Variants in ELMO1 observed in about 807,000 individuals in gnomAD.
The protein encoded by ELMO1 is engulfment and cell motility 1.
ELMO1 carries 26 observed loss-of-function variants against 98.9 expected under a neutral mutation model. The observed-to-expected ratio is 0.26, with a 90% CI of 0.19 to 0.36. The LOEUF is 0.36. Ranked by LOEUF, ELMO1 falls within the 10% of genes least tolerant of loss-of-function variation. ELMO1 has a pLI of 1.00. For synonymous variants in ELMO1, 346 were observed against 346.0 expected, an observed-to-expected ratio of 1.00 and a Z score of 0.00; for missense variants, 627 against 935.2, an observed-to-expected ratio of 0.67 and a Z score of 4.30.
At chr7:37,094,468 A>G (rs1784273252) in intron 15 of ELMO1, among the ~76,000 whole-genome samples, 1 of 152,150 alleles carries the variant, frequency 6.6e-6, no homozygotes, top group African/African-American at 2.4e-5. Flanking sequence ...GTCAAGCTCT[A>G]TCCCCTATTC....
chr7:37,293,759 C>CT (rs1797884359), intron 4 of ELMO1, among the ~76,000 whole-genome samples: 2 of 84,608 alleles, frequency 2.4e-5, no homozygotes, highest in African/African-American at 9.7e-5. Flanking sequence ...GAGTGAAACT[C>CT]TATATCCAAA....
Position 36,863,129 on chromosome 7 carries a change from G to A in ELMO1, c.1906-1393C>T, listed in dbSNP as rs138917246. Among the ~76,000 whole-genome samples the A allele has an allele frequency of 3.3e-5, 5 of 152,222 alleles. No individual in the cohort carries two copies. In the East Asian group the frequency reaches 5.8e-4, roughly 18 times the overall value. Reference sequence around the variant, plus strand: ...TTGTTCTGAGGATAGATCTACCAGCGTCTCACACTCAAAAGGTCTCCTCAC... The same window carrying A: ...TTGTTCTGAGGATAGATCTACCAGCATCTCACACTCAAAAGGTCTCCTCAC... On this transcript the variant is annotated intron_variant, in intron 20 of 21. Transcript: ENST00000310758.
At chr7:36,926,470 C>G (rs571421511) in intron 16 of ELMO1, among the ~76,000 whole-genome samples, 2 of 152,002 alleles carry the variant, frequency 1.3e-5, no homozygotes, top group South Asian at 4.2e-4. Context: ...TTTGTGCGAC[C>G]CCCCTAGAGT....
intron 1 of ELMO1, among the ~76,000 whole-genome samples, chr7:37,410,093 T>A (rs892865272): frequency 6.6e-6 from 1 of 152,256 alleles, no homozygotes; most frequent in African/African-American, 2.4e-5. Flanking sequence ...TTAACTACTA[T>A]GACTATTTTG....
At chr7:37,253,960 T>A (rs1162930634) in intron 6 of ELMO1, among the ~76,000 whole-genome samples, 1 of 152,206 alleles carries the variant, frequency 6.6e-6, no homozygotes, top group African/African-American at 2.4e-5. Context: ...GTGGTTTCTA[T>A]CCCAAAGGTT....
chr7:37,005,792 T>A (rs970990494), intron 16 of ELMO1, among the ~76,000 whole-genome samples: 4 of 151,796 alleles, frequency 2.6e-5, no homozygotes, highest in African/African-American at 9.7e-5. Flanking sequence ...TTGCTCTCAG[T>A]GTTGCCATGA....
chr7:37,192,990 T>G (rs866961847), intron 13 of ELMO1, among the ~76,000 whole-genome samples: 1,131 of 68,606 alleles, frequency 0.016, 15 homozygotes, highest in South Asian at 0.028. Flanking sequence ...TATATATATA[T>G]ATATATATAT....
At chr7:37,404,087 A>G (rs1307561869) in intron 1 of ELMO1, among the ~76,000 whole-genome samples, 6 of 152,206 alleles carry the variant, frequency 3.9e-5, no homozygotes, top group Admixed American at 2.0e-4. Context: ...ATTAATGGGG[A>G]AAAAAAGCAA....
chr7:37,318,341 C>T (rs990618824), intron 2 of ELMO1, among the ~76,000 whole-genome samples: 7 of 152,108 alleles, frequency 4.6e-5, no homozygotes, highest in African/African-American at 1.4e-4. Flanking sequence ...TTCATGCACC[C>T]TCAAAAATGA....
intron 4 of ELMO1, among the ~76,000 whole-genome samples, chr7:37,295,337 A>T (rs1436698275): frequency 6.6e-6 from 1 of 152,230 alleles, no homozygotes; most frequent in Non-Finnish European, 1.5e-5. Flanking sequence ...AGTGGGCTGT[A>T]CAAGTGTCAG....
intron 20 of ELMO1, among the ~76,000 whole-genome samples, chr7:36,864,449 G>A (rs551385944): frequency 6.6e-6 from 1 of 152,192 alleles, no homozygotes; most frequent in Non-Finnish European, 1.5e-5. Flanking sequence ...GCCTGGGAGG[G>A]GGTGGGAGGA....
At chr7:37,222,378 A>G (rs532019229) in intron 10 of ELMO1, among the ~76,000 whole-genome samples, 47 of 152,140 alleles carry the variant, frequency 3.1e-4, no homozygotes, top group Non-Finnish European at 5.9e-4. Flanking sequence ...TACTGCTGGA[A>G]CACTCCTAGC....
intron 15 of ELMO1, among the ~76,000 whole-genome samples, chr7:37,045,368 A>G (rs958934962): frequency 6.6e-6 from 1 of 152,232 alleles, no homozygotes; most frequent in Non-Finnish European, 1.5e-5. Context: ...ACTGGACTGA[A>G]AAACAAACTT....
intron 7 of ELMO1, among the ~76,000 whole-genome samples, chr7:37,237,478 AG>A (rs1452266390): frequency 6.6e-6 from 1 of 151,884 alleles, no homozygotes; most frequent in African/African-American, 2.4e-5. Flanking sequence ...TTAGTAGAGA[AG>A]GGGTTTCGCC....
chr7:37,125,113 T>A (rs549737041), intron 14 of ELMO1, among the ~76,000 whole-genome samples: 1 of 152,218 alleles, frequency 6.6e-6, no homozygotes, highest in East Asian at 1.9e-4. Flanking sequence ...ATCCCTTCCT[T>A]ACACCTTATA....
intron 14 of ELMO1, among the ~76,000 whole-genome samples, chr7:37,127,328 T>C (rs1205178884): frequency 4.6e-5 from 7 of 152,196 alleles, no homozygotes; most frequent in African/African-American, 1.7e-4. Flanking sequence ...CTGTGGACTT[T>C]CCATGTTTTC....
intron 14 of ELMO1, among the ~76,000 whole-genome samples, chr7:37,109,764 C>T (rs1009094696): frequency 2.6e-5 from 4 of 152,198 alleles, no homozygotes; most frequent in African/African-American, 7.2e-5. Flanking sequence ...AACACCCACC[C>T]GGTCTTCCCC....
At chr7:37,370,162 C>G (rs780593576) in intron 1 of ELMO1, among the ~76,000 whole-genome samples, 3 of 152,206 alleles carry the variant, frequency 2.0e-5, no homozygotes, top group Non-Finnish European at 4.4e-5. Context: ...AGACTGTTAT[C>G]TGCATAATAA....
chr7:37,356,565 G>A (rs1801504929), intron 1 of ELMO1, among the ~76,000 whole-genome samples: 1 of 152,030 alleles, frequency 6.6e-6, no homozygotes, highest in Non-Finnish European at 1.5e-5. Flanking sequence ...AGTGGGAGTT[G>A]AACAATGAGA....
Sources: gnomAD v4.1 joint callset for allele counts (sites outside exome capture counted in the v4.1 genomes callset) on GRCh38, gnomAD v4.1.1 for gene constraint, MANE v1.5 for transcripts, NCBI Gene and HGNC (gene_info 2026-07-23, HGNC 2026-07-21) for gene names.